Variants in ARHGAP40 observed in about 807,000 individuals in gnomAD.
ARHGAP40 encodes rho GTPase-activating protein 40.
In ARHGAP40, 43 loss-of-function variants were observed where a neutral mutation model predicts 73.5. The observed-to-expected ratio is 0.58, with a 90% CI of 0.46 to 0.75. The LOEUF is 0.75. Ranked by LOEUF, ARHGAP40 falls within the 30% of genes least tolerant of loss-of-function variation. ARHGAP40 has a pLI of 0.00. For missense variants in ARHGAP40, 734 were observed against 861.8 expected (o/e 0.85, Z 1.86); for synonymous variants, 300 against 352.8 (o/e 0.85, Z 1.68).
chr20:38,611,837 G>C (rs1018832115), intron 1 of ARHGAP40, among the ~76,000 whole-genome samples: 7 of 151,878 alleles, frequency 4.6e-5, no homozygotes, highest in Admixed American at 1.3e-4. Flanking sequence ...GCCTCCCAAA[G>C]TGCTGGGATT....
At chr20:38,634,674 C>T (rs1335329378) in exon 6 of ARHGAP40, 1 of 1,305,414 alleles carries the variant, frequency 7.7e-7, no homozygotes, top group Admixed American at 2.3e-5. Flanking sequence ...AGACTTGTCC[C>T]TGCAGGATAT....
At chr20:38,615,265 C>T in intron 1 of ARHGAP40, 1 of 769,222 alleles carries the variant, frequency 1.3e-6, no homozygotes, top group Non-Finnish European at 2.4e-6. Context: ...TCTTCTCCAA[C>T]TTTTCTATGT....
At chr20:38,618,824 C>G (rs1292141076) in intron 1 of ARHGAP40, among the ~76,000 whole-genome samples, 2 of 152,198 alleles carry the variant, frequency 1.3e-5, no homozygotes. Context: ...ACAGAGAAGT[C>G]TCATCGCTCG....
At chr20:38,643,250 A>G (rs2089030101) in intron 10 of ARHGAP40, among the ~76,000 whole-genome samples, 1 of 152,212 alleles carries the variant, frequency 6.6e-6, no homozygotes, top group African/African-American at 2.4e-5. Context: ...CAAAGAATAC[A>G]TAGTAAGTGG....
exon 15 of ARHGAP40, chr20:38,650,571 T>G (rs1297602028): frequency 1.3e-5 from 6 of 466,678 alleles, no homozygotes; most frequent in Non-Finnish European, 2.7e-5. Context: ...CATGTTGATT[T>G]GTACAATCTT....
chr20:38,631,407 C>T (rs540995243), intron 5 of ARHGAP40, among the ~76,000 whole-genome samples: 1 of 151,830 alleles, frequency 6.6e-6, no homozygotes, highest in Admixed American at 6.6e-5. Context: ...TTCCACATGG[C>T]TGGGGAGGCC....
intron 13 of ARHGAP40, among the ~76,000 whole-genome samples, chr20:38,648,404 G>A (rs2089067096): frequency 6.6e-6 from 1 of 152,218 alleles, no homozygotes. Flanking sequence ...GCAGCGGGGT[G>A]CACCCCTGGC....
At chr20:38,623,547 A>G (rs2088884867) in exon 2 of ARHGAP40, 2 of 1,289,366 alleles carry the variant, frequency 1.6e-6, no homozygotes, top group South Asian at 2.5e-5. Context: ...AATGAAGGCC[A>G]GCTTCCAGAG....
intron 3 of ARHGAP40, among the ~76,000 whole-genome samples, chr20:38,627,638 TGTG>T (rs1248447554): frequency 1.9e-3 from 264 of 141,040 alleles, no homozygotes; most frequent in African/African-American, 6.4e-3. Context: ...TGTTGGGGTG[TGTG>T]TGGGGTGTGT....
chr20:38,624,317 AAG>A (rs1491050813), intron 2 of ARHGAP40, among the ~76,000 whole-genome samples: 1 of 152,096 alleles, frequency 6.6e-6, no homozygotes, highest in Non-Finnish European at 1.5e-5. Flanking sequence ...GCACAAGACC[AAG>A]AGAGAGAGCT....
intron 1 of ARHGAP40, among the ~76,000 whole-genome samples, chr20:38,608,659 A>T (rs1368639552): frequency 6.6e-6 from 1 of 152,186 alleles, no homozygotes; most frequent in East Asian, 1.9e-4. Flanking sequence ...ATAGTGGCTA[A>T]GGTGACTTAG....
At chr20:38,606,985 T>G (rs2088773781) in intron 1 of ARHGAP40, among the ~76,000 whole-genome samples, 1 of 152,212 alleles carries the variant, frequency 6.6e-6, no homozygotes, top group Non-Finnish European at 1.5e-5. Context: ...TTGGTTCCTT[T>G]TCTGTAAAAT....
At chr20:38,644,076 C>A (rs2145614836) in intron 11 of ARHGAP40, among the ~76,000 whole-genome samples, 166 bp downstream of exon 11, 1 of 152,170 alleles carries the variant, frequency 6.6e-6, no homozygotes, top group East Asian at 1.9e-4. Context: ...GCCTTAGTAA[C>A]CAAGAAGAAG....
chr20:38,627,028 C>T (rs1034754152), exon 3 of ARHGAP40: 1 of 1,304,886 alleles, frequency 7.7e-7, no homozygotes, highest in Non-Finnish European at 1.0e-6. Context: ...CTGCAGGACA[C>T]AGGCCTGTCG....
At chr20:38,621,418 G>A (rs117152231) in intron 1 of ARHGAP40, among the ~76,000 whole-genome samples, 12 of 152,270 alleles carry the variant, frequency 7.9e-5, no homozygotes, top group South Asian at 2.1e-4. Flanking sequence ...AAATAAATGC[G>A]CTGTGTGGGG....
chr20:38,630,551 C>T (rs1469243208), intron 5 of ARHGAP40, among the ~76,000 whole-genome samples: 1 of 152,072 alleles, frequency 6.6e-6, no homozygotes, highest in East Asian at 1.9e-4. Context: ...TCAGTTATCC[C>T]AGCATAGTTC....
At chr20:38,627,324 AT>A in intron 3 of ARHGAP40, 109 bp downstream of exon 3, 1 of 978,968 alleles carries the variant, frequency 1.0e-6, no homozygotes. Flanking sequence ...TGGTGTGTGT[AT>A]GTGTGTGTTG....
chr20:38,644,492 G>A (rs913007814), intron 11 of ARHGAP40, among the ~76,000 whole-genome samples: 1 of 152,060 alleles, frequency 6.6e-6, no homozygotes, highest in African/African-American at 2.4e-5. Context: ...CTCACCTAGC[G>A]ATGCGTAGCC....
At chr20:38,639,043 T>C (rs559401455) in intron 8 of ARHGAP40, among the ~76,000 whole-genome samples, 184 bp from the exon 9 acceptor site, 1 of 152,248 alleles carries the variant, frequency 6.6e-6, no homozygotes, top group Non-Finnish European at 1.5e-5. Context: ...CAACGTTTAA[T>C]GAGCAGAGCT....
Sources: allele counts gnomAD v4.1 joint callset (sites outside exome capture counted in the v4.1 genomes callset), GRCh38; gene constraint gnomAD v4.1.1; transcripts MANE v1.5; gene names NCBI Gene and HGNC (gene_info 2026-07-23, HGNC 2026-07-21).